Variants in SZT2 observed in about 807,000 individuals in gnomAD.
SZT2 encodes SZT2 subunit of KICSTOR complex.
Under a neutral mutation model 404.2 loss-of-function variants are expected in SZT2, and 216 were observed. The observed-to-expected ratio is 0.53, with a 90% CI of 0.48 to 0.60. The LOEUF is 0.60. Ranked by LOEUF, SZT2 falls within the 20% of genes least tolerant of loss-of-function variation. The pLI is 0.00. For synonymous variants in SZT2, 1,693 were observed against 1,749.9 expected, an observed-to-expected ratio of 0.97 and a Z score of 0.81; for missense variants, 3,857 against 4,459.2, an observed-to-expected ratio of 0.86 and a Z score of 3.85.
At chr1:43,445,540 T>C in intron 62 of SZT2, 1 of 335,148 alleles carries the variant, frequency 3.0e-6, no homozygotes, top group South Asian at 3.1e-5. Context: ...GGAAGGTACC[T>C]AACCAGGCAT....
rs541575087 is a variant in SZT2, at chr1:43,450,978, C to G, written c.*498C>G. On this transcript the variant is annotated 3_prime_UTR_variant, in exon 72 of 72. Transcript: ENST00000634258. The surrounding 1 kb of genome is among the most constrained non-coding windows in gnomAD (Gnocchi z 4.3). Reference sequence around the variant, plus strand: ...CTGCCTTTGAAGCACTTGTGGCCACCGTCAAGTCCCTTTGCTCTCGGACCC... The same window carrying G: ...CTGCCTTTGAAGCACTTGTGGCCACGGTCAAGTCCCTTTGCTCTCGGACCC... 1.3e-6 allele frequency: 1 copy of G among 764,114 alleles called. No individual in the cohort carries two copies. Among genetic ancestry groups the G allele is most frequent in the Non-Finnish European group, 2.4e-6 (1 of 417,978 alleles). 47.3% of individuals were successfully genotyped at this position (764,114 alleles called of 1,614,324 possible). A position where few individuals can be genotyped will look rare whatever the true frequency, so the allele number is the denominator to read the frequency against.
rs772792017 is a variant in SZT2, at chr1:43,433,052, C to G, written c.5666C>G (p.Ala1889Gly). Residue 1889 changes from alanine (A) to glycine (G), a missense_variant, in exon 40 of 72, where the codon GCC (alanine) becomes GGC (glycine). Transcript: ENST00000634258. ...EGPNDTLGEK[A>G]PFTLRTPPGP... The stretch of plus-strand genomic sequence containing the variant: ...CCCAATGACACCCTTGGTGAGAAGG[C>G]CCCCTTCACATTGCGGACTCCACCT... 12 of 1,613,982 alleles carry G rather than the reference C, an allele frequency of 7.4e-6. No homozygotes were observed. The Admixed American group carries it at 1.0e-4, about 13-fold the overall frequency.
In SZT2 at chr1:43,420,976, C is replaced by A; in HGVS notation, c.1489C>A (p.Leu497Met). 3 of 1,598,428 alleles carry A rather than the reference C, an allele frequency of 1.9e-6. No homozygotes were observed. The highest frequency in any genetic ancestry group is 2.5e-6 in the Non-Finnish European group (3 of 1,179,786). The stretch of plus-strand genomic sequence containing the variant: ...TGTTATCCGGCGTTTCTGGAACACG[C>A]TGCAGAGGTCAGTGAAGTCATCACT... The part of the protein sequence containing the change: ...THVIRRFWNT[L>M]QSINQTDQML... The change falls in exon 10 of 72, where the codon CTG becomes ATG. Residue 497 changes from leucine (L) to methionine (M), a missense_variant. Leu to Met is a conservative substitution (Grantham distance 15). This residue lies in a region of SZT2 where 536 missense variants were observed against 637.4 expected (regional missense o/e 0.84). Coordinates refer to ENST00000634258, the MANE Select transcript of SZT2 (RefSeq NM_001365999.1). The surrounding 1 kb of genome is among the most constrained non-coding windows in gnomAD (Gnocchi z 5.1).
At position 43,431,014 on chromosome 1, in the gene SZT2, G is replaced by A. The variant is rs1036191227; in HGVS notation, c.4840G>A (p.Val1614Met). The stretch of plus-strand genomic sequence containing the variant: ...CCGAGTTCCCTTGAGGGACCTCAGT[G>A]TGACTCTGGATGTCTTCATGCTGAC... ...GGRVPLRDLS[V>M]TLDVFMLTLP... Residue 1614 changes from valine to methionine, a missense_variant, in exon 33 of 72, where the codon GTG becomes ATG. Coordinates refer to ENST00000634258, the MANE Select transcript of SZT2 (RefSeq NM_001365999.1). 4 of 1,614,214 alleles carry A rather than the reference G, an allele frequency of 2.5e-6. No individual in the cohort carries two copies. The highest frequency in any genetic ancestry group is 3.4e-6 in the Non-Finnish European group (4 of 1,180,048).
In SZT2 at chr1:43,424,845, C is replaced by G. The variant is rs181729793; in HGVS notation, c.2533C>G (p.Leu845Val). The G allele has an allele frequency of 1.2e-5, 19 of 1,614,082 alleles. No homozygotes were observed. In the Admixed American group the frequency reaches 3.0e-4, roughly 25 times the overall value. ...TGGGGAAGGAATCATCAACATGGTT[C>G]TGGAGCTTCCAATTCAGGTACGTGC... ...CSGEGIINMV[L>V]ELPIQNEPPG... Residue 845 changes from leucine (L) to valine (V), a missense_variant, in exon 17 of 72, where the codon CTG becomes GTG. Physicochemically the swap from Leu to Val is conservative, Grantham distance 32. This residue lies in a region of SZT2 where 1,725 missense variants were observed against 1,881.0 expected (regional missense o/e 0.92). Coordinates refer to ENST00000634258, the MANE Select transcript of SZT2 (RefSeq NM_001365999.1). This position sits in a 1 kb window ranked among gnomAD's most constrained non-coding sequence, Gnocchi z 4.1.
Position 43,451,990 on chromosome 1 carries a change from C to T in SZT2, c.*1510C>T. 6.2e-7 allele frequency: 1 copy of T among 1,610,350 alleles called. No individual in the cohort carries two copies. Among genetic ancestry groups the T allele is most frequent in the Non-Finnish European group, 8.5e-7 (1 of 1,177,554 alleles). On this transcript the variant is annotated 3_prime_UTR_variant, in exon 72 of 72. Coordinates refer to ENST00000634258, the MANE Select transcript of SZT2 (RefSeq NM_001365999.1). ...GGTCAGTGATGCGGGTGTTGATGGGCTCCAGCAGTCCCACGAGGTCCTCCT... is the reference window on the plus strand; with the variant it reads ...GGTCAGTGATGCGGGTGTTGATGGGTTCCAGCAGTCCCACGAGGTCCTCCT...
intron 59 of SZT2, 45 bp from the exon 60 acceptor site, chr1:43,443,143 G>T: frequency 1.2e-6 from 2 of 1,613,714 alleles, no homozygotes; most frequent in East Asian, 2.2e-5. Flanking sequence ...TGGGAGGAAG[G>T]GAGTGACAAT....
In SZT2 at chr1:43,450,081, C is replaced by T; in HGVS notation, c.10087-22C>T. 1.2e-6 allele frequency: 2 copies of T among 1,613,998 alleles called. No individual in the cohort carries two copies. The highest frequency in any genetic ancestry group is 1.7e-6 in the Non-Finnish European group (2 of 1,179,942). ...TGGGAGGGTCTGTAGGGTCTGTGTC[C>T]CCTCCTCATCTTTCACTGCAGGTTG... On this transcript the variant is annotated intron_variant, in intron 70 of 71. Coordinates refer to ENST00000634258, the MANE Select transcript of SZT2 (RefSeq NM_001365999.1). The surrounding 1 kb of genome is among the most constrained non-coding windows in gnomAD (Gnocchi z 4.3).
chr1:43,390,116 A>T, intron 1 of SZT2, 121 bp downstream of exon 1: 1 of 1,199,756 alleles, frequency 8.3e-7, no homozygotes. Context: ...CTCGGCAGGG[A>T]CCAGCCCAGC....
intron 1 of SZT2, among the ~76,000 whole-genome samples, chr1:43,391,760 A>G (rs1345429437): frequency 1.3e-5 from 2 of 152,210 alleles, no homozygotes; most frequent in Admixed American, 6.5e-5. Context: ...CACATGTGTA[A>G]TATTAAATTT....
chr1:43,443,867 T>C lies in SZT2; in HGVS notation c.8825+71T>C, dbSNP rs1655373629. The stretch of plus-strand genomic sequence containing the variant: ...CAAGTGAGGCCCCACAGGCCCTTCC[T>C]CTCTTTACAAGGTCCTATGTTGACA... On this transcript the variant is annotated intron_variant, in intron 62 of 71. Transcript: ENST00000634258. 3 of 1,584,302 alleles carry C rather than the reference T, an allele frequency of 1.9e-6. No individual in the cohort carries two copies. The Admixed American group carries it at 5.1e-5, about 27-fold the overall frequency.
rs770087726 is a variant in SZT2 at position 43,431,140 on chromosome 1, G to GACC, written c.4916+53_4916+55dup. On this transcript the variant is annotated intron_variant, in intron 33 of 71. Coordinates refer to ENST00000634258, the MANE Select transcript of SZT2 (RefSeq NM_001365999.1). The stretch of plus-strand genomic sequence containing the variant: ...GTTTGGGACCTTTTTAGGGTAGGGG[G>GACC]ACCACTAAGCGAATCTAGAGCACTT... 2.2e-4 allele frequency: 355 copies of GACC among 1,598,726 alleles called. 1 individual carries two copies. The highest frequency in any genetic ancestry group is 2.9e-4 in the Non-Finnish European group (345 of 1,173,290).
At chr1:43,433,262 T>C in intron 40 of SZT2, 72 bp downstream of exon 40, 1 of 1,509,504 alleles carries the variant, frequency 6.6e-7, no homozygotes, top group Non-Finnish European at 9.1e-7. Flanking sequence ...AGTACCTCTC[T>C]CCAGTGTTGT....
chr1:43,422,949 A>C, intron 14 of SZT2, 66 bp downstream of exon 14: 2 of 1,501,920 alleles, frequency 1.3e-6, no homozygotes, highest in East Asian at 2.5e-5. Context: ...CCTCTCCCCA[A>C]ACCCCACAGG....
intron 40 of SZT2, 68 bp from the exon 41 acceptor site, chr1:43,434,318 T>C (rs1483588165): frequency 5.2e-6 from 7 of 1,340,792 alleles, no homozygotes; most frequent in African/African-American, 1.5e-5. Flanking sequence ...TTATGTCATA[T>C]ACATATCATG....
chr1:43,409,482 C>T (rs1650746608), intron 4 of SZT2: 1 of 392,772 alleles, frequency 2.5e-6, no homozygotes, highest in South Asian at 2.0e-5. Flanking sequence ...TCAAATTATC[C>T]TTGTTTGCAG....
At chr1:43,431,622 CA>C in intron 35 of SZT2, 93 bp from the exon 36 acceptor site, 6 of 1,594,674 alleles carry the variant, frequency 3.8e-6, no homozygotes, top group Non-Finnish European at 5.2e-6. Context: ...AGGCCTCTCT[CA>C]GTCTGTGAGG....
Position 43,437,834 on chromosome 1 carries a change from ATGC to A in SZT2, c.6445_6447del (p.Ala2149del). 6.2e-7 allele frequency: 1 copy of A among 1,614,090 alleles called. No homozygotes were observed. Among genetic ancestry groups the A allele is most frequent in the Non-Finnish European group, 8.5e-7 (1 of 1,180,016 alleles). ...GACATGGTCTCTAGCCGCAGTTCAG[ATGC>A]TGCTCGTCCTGTGGGCCAAGTGGAC... On this transcript the variant is annotated inframe_deletion, in exon 46 of 72. Transcript: ENST00000634258. The surrounding 1 kb of genome is among the most constrained non-coding windows in gnomAD (Gnocchi z 5.3).
intron 26 of SZT2, 70 bp from the exon 27 acceptor site, chr1:43,427,933 T>C: frequency 3.5e-6 from 5 of 1,421,332 alleles, no homozygotes. Context: ...CATTGGAGTG[T>C]GGATGGCTAA....
Sources: gnomAD v4.1 joint callset for allele counts (sites outside exome capture counted in the v4.1 genomes callset) on GRCh38, gnomAD v4.1.1 for gene constraint, gnomAD v4.1.1 regional missense constraint, Gnocchi (gnomAD v3.1) non-coding constraint, MANE v1.5 for transcripts, NCBI Gene and HGNC (gene_info 2026-07-23, HGNC 2026-07-21) for gene names.